LCTL: variants seen among roughly 807,000 people sequenced by gnomAD.
LCTL encodes the protein lactase like.
Under a neutral mutation model 75.8 loss-of-function variants are expected in LCTL, and 76 were observed. The observed-to-expected ratio is 1.00, with a 90% CI of 0.83 to 1.21. The LOEUF (loss-of-function observed/expected upper bound fraction) is 1.21, where lower values mean the gene tolerates loss of function less well. Among genes scored for constraint, LCTL ranks in the 50% most tolerant of loss-of-function variants. The pLI, the probability that LCTL is intolerant of heterozygous loss-of-function variation, is 0.00. For synonymous variants in LCTL, 271 were observed against 268.8 expected (o/e 1.01, Z -0.08); for missense variants, 670 against 712.4 (o/e 0.94, Z 0.68).
rs1234682495 is a variant in LCTL, at chr15:66,561,374, A to G, written c.481-59T>C. ...GAACCGCAAAGCGGTTTAAATGTGG[A>G]GATAAGCTGTGTGACAGTCCTCAGA... On this transcript the variant is annotated intron_variant, in intron 4 of 12. Coordinates refer to ENST00000341509, the Ensembl canonical transcript of LCTL. 8 of 1,602,596 alleles carry G rather than the reference A, an allele frequency of 5.0e-6. 1 individual carries two copies. In the Admixed American group the frequency reaches 1.0e-4, roughly 20 times the overall value.
chr15:66,565,100 C>A, intron 1 of LCTL, 148 bp downstream of exon 2: 1 of 698,824 alleles, frequency 1.4e-6, no homozygotes, highest in Admixed American at 2.8e-5. Context: ...AAAAAAATAT[C>A]TGTTAGGAGC....
At chr15:66,548,424 CA>C in exon 13 of LCTL, 1 of 807,134 alleles carries the variant, frequency 1.2e-6, no homozygotes, top group Non-Finnish European at 2.0e-6. Context: ...TGGAAACCCT[CA>C]AAGCAGAAAA....
At chr15:66,561,977 T>C (rs907896006) in intron 4 of LCTL, among the ~76,000 whole-genome samples, 1 of 152,068 alleles carries the variant, frequency 6.6e-6, no homozygotes, top group African/African-American at 2.4e-5. Context: ...CCCCAAATTC[T>C]AACTGAACCG....
At chr15:66,552,723 T>A (rs918333851) in intron 9 of LCTL, among the ~76,000 whole-genome samples, 1 of 151,950 alleles carries the variant, frequency 6.6e-6, no homozygotes, top group African/African-American at 2.4e-5. Flanking sequence ...TTGGTCTTGT[T>A]CTTTGCCACA....
chr15:66,550,398 A>G (rs961713541), intron 11 of LCTL, among the ~76,000 whole-genome samples: 1 of 152,236 alleles, frequency 6.6e-6, no homozygotes, highest in African/African-American at 2.4e-5. Flanking sequence ...CTTCCATTTA[A>G]TAGTCCTACG....
chr15:66,551,924 A>G (rs959398692), intron 10 of LCTL, 63 bp from the exon 12 acceptor site: 2 of 1,528,940 alleles, frequency 1.3e-6, no homozygotes, highest in Non-Finnish European at 1.8e-6. Flanking sequence ...AAAACTGAAG[A>G]TAATGTTAAA....
chr15:66,560,533 G>A (rs1291350242), intron 6 of LCTL, among the ~76,000 whole-genome samples: 1 of 152,150 alleles, frequency 6.6e-6, no homozygotes, highest in Non-Finnish European at 1.5e-5. Context: ...CTGGGAGTAA[G>A]GTGGAGTCTG....
chr15:66,559,322 C>A (rs918455250), intron 6 of LCTL, among the ~76,000 whole-genome samples: 3 of 152,248 alleles, frequency 2.0e-5, no homozygotes, highest in African/African-American at 7.2e-5. Flanking sequence ...TATCAGACTT[C>A]TTTCCTTATA....
exon 13 of LCTL, chr15:66,548,243 T>C: frequency 3.3e-6 from 1 of 300,552 alleles, no homozygotes; most frequent in Non-Finnish European, 6.2e-6. Flanking sequence ...ATAATATACA[T>C]TCATTATATA....
intron 6 of LCTL, among the ~76,000 whole-genome samples, chr15:66,558,270 G>A (rs553476640): frequency 9.9e-5 from 15 of 152,192 alleles, no homozygotes; most frequent in East Asian, 1.9e-4. Context: ...GTTATTTATC[G>A]TTTTTAAGAT....
exon 6 of LCTL, chr15:66,561,033 C>T (rs1245038914): frequency 1.7e-5 from 28 of 1,614,138 alleles, no homozygotes; most frequent in Admixed American, 6.7e-5. Flanking sequence ...CTGCCTTGTA[C>T]AGGCCGGTGC....
chr15:66,555,212 T>C (rs1433516520), intron 8 of LCTL, among the ~76,000 whole-genome samples: 1 of 152,184 alleles, frequency 6.6e-6, no homozygotes, highest in Non-Finnish European at 1.5e-5. Flanking sequence ...GCTATCGTCA[T>C]TGTCCTTGCA....
intron 2 of LCTL, 78 bp from the exon 4 acceptor site, chr15:66,564,076 G>C (rs985133155): frequency 9.9e-6 from 9 of 912,942 alleles, no homozygotes; most frequent in African/African-American, 3.2e-5. Flanking sequence ...CTCTAGGGCC[G>C]AGGCTCACTC....
rs566749454 is a variant in LCTL at position 66,564,645 on chromosome 15, G to GCACA, written c.282+27_282+30dup. 8 of 1,577,516 alleles carry GCACA rather than the reference G, an allele frequency of 5.1e-6. No homozygotes were observed. In the East Asian group the frequency reaches 9.1e-5, roughly 18 times the overall value. On this transcript the variant is annotated intron_variant, in intron 2 of 12. Transcript: ENST00000341509. Reference sequence around the variant, plus strand: ...TACTCACATGTGTGTGCACGCGCGCGCACACACACACACTCACACCCCGCA... The same window carrying GCACA: ...TACTCACATGTGTGTGCACGCGCGCGCACACACACACACACACTCACACCCCGCA...
intron 11 of LCTL, among the ~76,000 whole-genome samples, chr15:66,550,797 G>C (rs1361215148): frequency 2.0e-5 from 3 of 152,062 alleles, no homozygotes; most frequent in Non-Finnish European, 4.4e-5. Flanking sequence ...CGAGATTACA[G>C]TTTATATTCC....
chr15:66,557,578 G>A (rs1895767516), intron 8 of LCTL, 144 bp downstream of exon 9: 1 of 751,084 alleles, frequency 1.3e-6, no homozygotes, highest in Non-Finnish European at 2.1e-6. Flanking sequence ...CAAATGTCTG[G>A]TTCTCAATTC....
At chr15:66,550,569 T>G (rs1033307507) in intron 11 of LCTL, among the ~76,000 whole-genome samples, 1 of 152,084 alleles carries the variant, frequency 6.6e-6, no homozygotes, top group Non-Finnish European at 1.5e-5. Flanking sequence ...CAGCCTCAAA[T>G]TCTTGGGCTC....
At chr15:66,557,647 C>T in intron 8 of LCTL, 75 bp downstream of exon 9, 4 of 1,482,158 alleles carry the variant, frequency 2.7e-6, no homozygotes, top group Non-Finnish European at 2.8e-6. Flanking sequence ...TCTTCATCCC[C>T]CTGCCTTTTG....
At chr15:66,561,717 C>T (rs1895894386) in intron 4 of LCTL, among the ~76,000 whole-genome samples, 1 of 152,166 alleles carries the variant, frequency 6.6e-6, no homozygotes, top group African/African-American at 2.4e-5. Context: ...TCGAGACTAC[C>T]TGTCCAGCTC....
Sources: gnomAD v4.1 joint callset for allele counts (sites outside exome capture counted in the v4.1 genomes callset) on GRCh38, gnomAD v4.1.1 for gene constraint, MANE v1.5 for transcripts, NCBI Gene and HGNC (gene_info 2026-07-23, HGNC 2026-07-21) for gene names.